Variants in AK3 observed in about 807,000 individuals in gnomAD.
AK3 encodes GTP:AMP phosphotransferase AK3, mitochondrial.
Under a neutral mutation model 23.7 loss-of-function variants are expected in AK3, and 27 were observed. The ratio of observed to expected loss-of-function variants is 1.14; its 90% CI spans 0.84 to 1.57. The LOEUF (loss-of-function observed/expected upper bound fraction) is 1.57, where lower values mean the gene tolerates loss of function less well. AK3 is among the 40% of genes most tolerant of loss of function. The pLI is 0.00. For missense variants in AK3, 406 were observed against 285.6 expected (o/e 1.42, Z -3.04); for synonymous variants, 159 against 116.0 (o/e 1.37, Z -2.38).
chr9:4,724,098 G>A (rs1371642543), intron 1 of AK3, among the ~76,000 whole-genome samples: 3 of 152,210 alleles, frequency 2.0e-5, no homozygotes, highest in Admixed American at 2.0e-4. Context: ...TGTGGCACGT[G>A]TGCTGCTGGA....
At chr9:4,723,617 G>A (rs564848869) in intron 1 of AK3, among the ~76,000 whole-genome samples, 7 of 151,944 alleles carry the variant, frequency 4.6e-5, no homozygotes, top group South Asian at 2.1e-4. Context: ...CATAATCTGC[G>A]TATCTACAAT....
rs1166597062 is a variant in AK3, at chr9:4,710,655, A to C, written c.*2321T>G. 3.9e-5 allele frequency: 6 copies of C among 152,160 alleles called. No homozygotes were observed. The highest frequency in any genetic ancestry group is 8.8e-5 in the Non-Finnish European group (6 of 68,050). 9.4% of individuals were successfully genotyped at this position (152,160 alleles called of 1,614,324 possible). On this transcript the variant is annotated 3_prime_UTR_variant, in exon 5 of 5. Coordinates refer to ENST00000381809, the MANE Select transcript of AK3 (RefSeq NM_016282.4). ...TTTTTTTGGGTGGGGGCAGTGGCTT[A>C]CACCTGTAATCTCAGCACTTGGGAA...
At chr9:4,740,913 C>G (rs763416138) in intron 1 of AK3, 24 bp downstream of exon 1, 313 of 1,509,198 alleles carry the variant, frequency 2.1e-4, no homozygotes, top group Non-Finnish European at 2.7e-4. Context: ...AGCGCACGGC[C>G]GGCCCTGGGC....
Position 4,712,616 on chromosome 9 carries a change from C to CT in AK3, c.*359dup, listed in dbSNP as rs549023824. 449 of 155,294 alleles carry CT rather than the reference C, an allele frequency of 2.9e-3. 2 individuals carry two copies. Among genetic ancestry groups the CT allele is most frequent in the Admixed American group, 6.7e-3 (104 of 15,458 alleles). 9.6% of individuals were successfully genotyped at this position (155,294 alleles called of 1,614,324 possible). A position where few individuals can be genotyped will look rare whatever the true frequency, so the allele number is the denominator to read the frequency against. ...CGTATTTTCTCCAAATGACATGTAA[C>CT]TTTTTTTAACTTTTCCAGAAAAATA... is the stretch of plus-strand genomic sequence containing the variant. On this transcript the variant is annotated 3_prime_UTR_variant, in exon 5 of 5. Transcript: ENST00000381809.
chr9:4,728,886 CATAT>C (rs1554627014), intron 1 of AK3, among the ~76,000 whole-genome samples: 2 of 140,142 alleles, frequency 1.4e-5, no homozygotes, highest in South Asian at 2.2e-4. Context: ...CACACACATA[CATAT>C]ATATACACAT....
chr9:4,733,525 T>C (rs62540575), intron 1 of AK3, among the ~76,000 whole-genome samples: 44,090 of 152,044 alleles, frequency 0.29, 7,760 homozygotes, highest in Non-Finnish European at 0.37. Flanking sequence ...CTCTGATGCA[T>C]GGAATATTGC....
At chr9:4,741,569 T>TC (rs1305611639), upstream of AK3, among the ~76,000 whole-genome samples, 1 of 147,278 alleles carries the variant, frequency 6.8e-6, no homozygotes, top group African/African-American at 2.6e-5. Context: ...TAGACCGCGC[T>TC]CCCCTCTGTC....
intron 1 of AK3, among the ~76,000 whole-genome samples, chr9:4,725,323 C>A (rs1257998404): frequency 6.6e-6 from 1 of 151,710 alleles, no homozygotes; most frequent in Non-Finnish European, 1.5e-5. Flanking sequence ...AGCCTAAAAA[C>A]TCTTAATAGA....
At position 4,711,252 on chromosome 9, in the gene AK3, G is replaced by C. The variant is rs1264180380; in HGVS notation, c.*1724C>G. ...GTGGGATGGAGCAGGCCCTGTGAAG[G>C]ACCAAGAACAAAGTAATAGCCACAG... is the stretch of plus-strand genomic sequence containing the variant. On this transcript the variant is annotated 3_prime_UTR_variant, in exon 5 of 5. Transcript: ENST00000381809. The C allele has an allele frequency of 2.6e-5, 4 of 152,628 alleles. No homozygotes were observed. Among genetic ancestry groups the C allele is most frequent in the African/African-American group, 9.7e-5 (4 of 41,446 alleles). 9.5% of individuals were successfully genotyped at this position (152,628 alleles called of 1,614,324 possible).
intron 1 of AK3, among the ~76,000 whole-genome samples, chr9:4,733,712 C>T (rs565659265): frequency 1.3e-5 from 2 of 152,228 alleles, no homozygotes; most frequent in South Asian, 2.1e-4. Context: ...TACATAAATG[C>T]CCACCTGGGT....
intron 2 of AK3, among the ~76,000 whole-genome samples, chr9:4,721,357 C>T (rs369842436): frequency 2.0e-5 from 3 of 150,562 alleles, no homozygotes; most frequent in African/African-American, 7.3e-5. Context: ...GAGAGGAGAT[C>T]GCACCATCAC....
At chr9:4,739,662 T>G (rs1055493844) in intron 1 of AK3, among the ~76,000 whole-genome samples, 5 of 152,030 alleles carry the variant, frequency 3.3e-5, no homozygotes, top group Non-Finnish European at 5.9e-5. Flanking sequence ...CCGGGCGCGG[T>G]GGCTCACGCC....
At chr9:4,724,502 G>T (rs7036255) in intron 1 of AK3, among the ~76,000 whole-genome samples, 8,905 of 152,174 alleles carry the variant, frequency 0.059, 829 homozygotes, top group African/African-American at 0.2. Context: ...TTCTAGCCAA[G>T]GCAATTAGTC....
chr9:4,722,485 T>G (rs1411463736), intron 2 of AK3, 21 bp downstream of exon 2: 2 of 1,613,802 alleles, frequency 1.2e-6, no homozygotes, highest in East Asian at 4.5e-5. Context: ...GCAGGTGAAA[T>G]GCTCATGAGA....
At chr9:4,732,056 C>G (rs1842166800) in intron 1 of AK3, among the ~76,000 whole-genome samples, 1 of 152,070 alleles carries the variant, frequency 6.6e-6, no homozygotes, top group African/African-American at 2.4e-5. Context: ...TCCAAGTGAT[C>G]CTCCCACCTC....
At chr9:4,724,845 T>C (rs1841985819) in intron 1 of AK3, among the ~76,000 whole-genome samples, 1 of 151,894 alleles carries the variant, frequency 6.6e-6, no homozygotes, top group Admixed American at 6.6e-5. Context: ...TATAGTAAAC[T>C]GATTTTTAAT....
In AK3 at chr9:4,738,250, C is replaced by G. The variant is rs186000683; in HGVS notation, c.151+2687G>C. ...GCGCCATCTCGGCTCGCTGCAACCT[C>G]CGCCTCCCAGTTTCAAGTGATTCTC... On this transcript the variant is annotated intron_variant, in intron 1 of 4. Transcript: ENST00000381809. Among the ~76,000 whole-genome samples, 464 of 152,292 alleles carry G rather than the reference C, an allele frequency of 3.0e-3. 1 individual carries two copies. Among genetic ancestry groups the G allele is most frequent in the African/African-American group, 0.011 (442 of 41,546 alleles).
At chr9:4,741,399 T>C (rs1217570072), upstream of AK3, 4 of 261,608 alleles carry the variant, frequency 1.5e-5, 1 homozygote, top group African/African-American at 6.9e-5. Context: ...AGCTCCCACC[T>C]GCGCCTCTCC....
chr9:4,722,120 T>A (rs1292096723), intron 2 of AK3, among the ~76,000 whole-genome samples: 1 of 152,224 alleles, frequency 6.6e-6, no homozygotes, highest in African/African-American at 2.4e-5. Context: ...TTTTGTGTCC[T>A]CTCTATATTA....
Sources: allele counts gnomAD v4.1 joint callset (sites outside exome capture counted in the v4.1 genomes callset), GRCh38; gene constraint gnomAD v4.1.1; transcripts MANE v1.5; gene names NCBI Gene and HGNC (gene_info 2026-07-23, HGNC 2026-07-21).